Variants in NELL1 observed in about 807,000 individuals in gnomAD.
NELL1 encodes neural EGFL like 1, also known as protein kinase C-binding protein NELL1.
In NELL1, 76 loss-of-function variants were observed where a neutral mutation model predicts 107.4. The observed-to-expected ratio is 0.71, with a 90% confidence interval of 0.59 to 0.86. The LOEUF (loss-of-function observed/expected upper bound fraction) is 0.86. Among genes scored for constraint, NELL1 ranks in the 40% least tolerant of loss-of-function variants. The pLI is 0.00. For missense variants in NELL1, 1,024 were observed against 1,005.5 expected, an observed-to-expected ratio of 1.02 and a Z score of -0.25; for synonymous variants, 353 against 341.2, an observed-to-expected ratio of 1.03 and a Z score of -0.38.
intron 13 of NELL1, among the ~76,000 whole-genome samples, chr11:21,181,275 T>A (rs1856821341): frequency 6.6e-6 from 1 of 151,926 alleles, no homozygotes; most frequent in Non-Finnish European, 1.5e-5. Context: ...ATTGCAGTTT[T>A]TGCCACTACT....
At chr11:21,115,331 A>AACACACACACACACACAC (rs66507806) in intron 13 of NELL1, among the ~76,000 whole-genome samples, 15 of 140,614 alleles carry the variant, frequency 1.1e-4, no homozygotes, top group African/African-American at 4.0e-4. Context: ...GTCTACATCA[A>AACACACACACACACACAC]ACACACACAC....
chr11:21,150,078 A>C (rs1856080533), intron 13 of NELL1, among the ~76,000 whole-genome samples: 1 of 152,074 alleles, frequency 6.6e-6, no homozygotes, highest in Non-Finnish European at 1.5e-5. Flanking sequence ...AGGGAACAAC[A>C]ATTGCAAAAG....
intron 12 of NELL1, among the ~76,000 whole-genome samples, chr11:21,085,438 A>G (rs1854367349): frequency 6.6e-6 from 1 of 152,140 alleles, no homozygotes; most frequent in African/African-American, 2.4e-5. Flanking sequence ...GTTTGAGATC[A>G]GCCTGAGCAA....
chr11:20,809,423 A>C (rs1015104712), intron 3 of NELL1, among the ~76,000 whole-genome samples: 3 of 152,198 alleles, frequency 2.0e-5, no homozygotes, highest in Non-Finnish European at 2.9e-5. Flanking sequence ...ACAATACATT[A>C]TTGTTAAGTT....
At chr11:21,570,626 C>A in intron 17 of NELL1, 138 bp from the exon 18 acceptor site, 3 of 569,448 alleles carry the variant, frequency 5.3e-6, no homozygotes, top group Non-Finnish European at 8.7e-6. Context: ...TTTGTGTGAA[C>A]ACACATGTGT....
chr11:21,348,022 A>C (rs537285793), intron 14 of NELL1, among the ~76,000 whole-genome samples: 1 of 152,368 alleles, frequency 6.6e-6, no homozygotes, highest in Admixed American at 6.5e-5. Context: ...AGGATATGAC[A>C]GGACAAGGAG....
intron 12 of NELL1, among the ~76,000 whole-genome samples, chr11:21,093,811 C>T (rs961678161): frequency 6.6e-6 from 1 of 152,066 alleles, no homozygotes. Flanking sequence ...AAGACTTGCC[C>T]CCATGATTCA....
intron 13 of NELL1, among the ~76,000 whole-genome samples, chr11:21,176,214 C>T (rs1053338643): frequency 1.3e-5 from 2 of 151,818 alleles, no homozygotes; most frequent in Non-Finnish European, 1.5e-5. Context: ...ATGTTTCTGT[C>T]GCCATCAACT....
At chr11:21,110,088 T>C (rs185999617) in intron 12 of NELL1, among the ~76,000 whole-genome samples, 165 of 152,272 alleles carry the variant, frequency 1.1e-3, no homozygotes, top group African/African-American at 3.8e-3. Context: ...TACCACAAGA[T>C]AGCTTTTATA....
chr11:21,478,940 G>A (rs530384282), intron 15 of NELL1, among the ~76,000 whole-genome samples: 196 of 151,304 alleles, frequency 1.3e-3, no homozygotes, highest in African/African-American at 4.7e-3. Flanking sequence ...CATGTAAAAA[G>A]GTGCTCAATA....
chr11:20,898,959 A>G (rs1168586862), intron 5 of NELL1, among the ~76,000 whole-genome samples: 1 of 152,106 alleles, frequency 6.6e-6, no homozygotes, highest in Non-Finnish European at 1.5e-5. Flanking sequence ...AACTATCTGT[A>G]TATATGTTAT....
chr11:21,475,511 G>T (rs888651752), intron 15 of NELL1, among the ~76,000 whole-genome samples: 1 of 152,138 alleles, frequency 6.6e-6, no homozygotes, highest in African/African-American at 2.4e-5. Flanking sequence ...CCCTATGAGT[G>T]AACAAGATAT....
intron 15 of NELL1, among the ~76,000 whole-genome samples, chr11:21,529,471 C>A (rs1396436938): frequency 1.3e-5 from 2 of 152,144 alleles, no homozygotes; most frequent in Admixed American, 1.3e-4. Context: ...CAGCAAATAG[C>A]AGAAAATAAG....
rs1391997734 is a variant in NELL1 at position 21,309,313 on chromosome 11, AT to A, written c.1550-61539del. ...ATATATATATATGTATATATATATA[AT>A]ATATATATATATTTCCTGAATATGA... On this transcript the variant is annotated intron_variant, in intron 14 of 19. Transcript: ENST00000357134. 2.7e-4 allele frequency among the ~76,000 whole-genome samples: 34 copies of A among 128,234 alleles called. No individual in the cohort carries two copies. In the East Asian group the frequency reaches 3.6e-3, roughly 14 times the overall value. The allele number at this position is 128,234 out of a possible 152,430, so 84.1% of individuals were successfully genotyped here. A position where few individuals can be genotyped will look rare whatever the true frequency, so the allele number is the denominator to read the frequency against.
intron 1 of NELL1, among the ~76,000 whole-genome samples, chr11:20,671,939 G>A (rs1157957436): frequency 6.6e-6 from 1 of 152,196 alleles, no homozygotes; most frequent in East Asian, 1.9e-4. Context: ...GGCATTCTTG[G>A]CAGAGGGAGC....
At chr11:21,304,939 A>G (rs1453562562) in intron 14 of NELL1, among the ~76,000 whole-genome samples, 1 of 152,004 alleles carries the variant, frequency 6.6e-6, no homozygotes, top group Non-Finnish European at 1.5e-5. Context: ...ACAAGAAGAC[A>G]TTGGTGTACT....
At chr11:21,521,420 C>A (rs370302272) in intron 15 of NELL1, among the ~76,000 whole-genome samples, 82 of 152,228 alleles carry the variant, frequency 5.4e-4, no homozygotes, top group Middle Eastern at 6.8e-3. Context: ...TTTTTTCCAT[C>A]TTGGTCAACA....
In NELL1 at chr11:21,115,331, A is replaced by AACACACACACAC. The variant is rs66507806; in HGVS notation, c.1426+1650_1426+1661dup. On this transcript the variant is annotated intron_variant, in intron 13 of 19. Transcript: ENST00000357134. ...GGCTCTGCAGGAAAAGTCTACATCA[A>AACACACACACAC]ACACACACACACACACACACACACA... Among the ~76,000 whole-genome samples the AACACACACACAC allele has an allele frequency of 2.3e-3, 328 of 140,698 alleles. 1 individual carries two copies. The highest frequency in any genetic ancestry group is 0.011 in the East Asian group (51 of 4,598). The allele number at this position is 140,698 out of a possible 152,430, so 92.3% of individuals were successfully genotyped here. A position where few individuals can be genotyped will look rare whatever the true frequency, so the allele number is the denominator to read the frequency against.
At chr11:21,339,637 G>C (rs999177658) in intron 14 of NELL1, among the ~76,000 whole-genome samples, 2 of 152,092 alleles carry the variant, frequency 1.3e-5, no homozygotes, top group Admixed American at 6.5e-5. Context: ...AGGCAATCAG[G>C]GTCCGCTGGT....
Sources: allele counts gnomAD v4.1 joint callset (sites outside exome capture counted in the v4.1 genomes callset), GRCh38; gene constraint gnomAD v4.1.1; transcripts MANE v1.5; gene names NCBI Gene and HGNC (gene_info 2026-07-23, HGNC 2026-07-21).